The following KCNH7 variants were observed in gnomAD, a reference collection of about 807,000 sequenced individuals.
The protein encoded by KCNH7 is voltage-gated inwardly rectifying potassium channel KCNH7.
In KCNH7, 49 loss-of-function variants were observed where a neutral mutation model predicts 120.8. That is an observed-to-expected ratio of 0.41 (90% confidence interval 0.32 to 0.51). The LOEUF is 0.51. Ranked by LOEUF, KCNH7 falls within the 20% of genes least tolerant of loss-of-function variation. KCNH7 has a pLI of 0.38. For synonymous variants in KCNH7, 547 were observed against 516.1 expected, an observed-to-expected ratio of 1.06 and a Z score of -0.81; for missense variants, 1,097 against 1,446.6, an observed-to-expected ratio of 0.76 and a Z score of 3.92.
chr2:162,786,759 AAAAT>A (rs1438086262), intron 2 of KCNH7, among the ~76,000 whole-genome samples: 3 of 152,218 alleles, frequency 2.0e-5, no homozygotes, highest in Non-Finnish European at 2.9e-5. Flanking sequence ...GCATGATTTA[AAAAT>A]AAATAAATAA....
At chr2:162,375,490 G>A (rs944103314) in intron 14 of KCNH7, among the ~76,000 whole-genome samples, 4 of 152,208 alleles carry the variant, frequency 2.6e-5, no homozygotes, top group Non-Finnish European at 5.9e-5. Context: ...ACACTGCCAT[G>A]AGTGGGACTT....
At chr2:162,790,622 G>A (rs1289179142) in intron 2 of KCNH7, among the ~76,000 whole-genome samples, 2 of 151,876 alleles carry the variant, frequency 1.3e-5, no homozygotes, top group South Asian at 2.1e-4. Context: ...CACATTAAGA[G>A]GATCATTCAT....
chr2:162,513,868 A>G (rs1158072982), intron 4 of KCNH7, among the ~76,000 whole-genome samples: 1 of 151,834 alleles, frequency 6.6e-6, no homozygotes, highest in Non-Finnish European at 1.5e-5. Context: ...TTACTAGAAT[A>G]TTGAAAAATT....
chr2:162,559,938 G>A (rs971548074), intron 2 of KCNH7, among the ~76,000 whole-genome samples: 25 of 152,268 alleles, frequency 1.6e-4, no homozygotes, highest in African/African-American at 5.8e-4. Context: ...TAACAAAACG[G>A]GGTAGAACAT....
At chr2:162,540,732 TAGAC>T (rs1452244299) in intron 2 of KCNH7, among the ~76,000 whole-genome samples, 1 of 152,086 alleles carries the variant, frequency 6.6e-6, no homozygotes, top group African/African-American at 2.4e-5. Context: ...TTCACTGTGT[TAGAC>T]AGGAAGGCAC....
chr2:162,812,369 G>A (rs1684761511), intron 2 of KCNH7, among the ~76,000 whole-genome samples: 1 of 152,110 alleles, frequency 6.6e-6, no homozygotes, highest in Non-Finnish European at 1.5e-5. Context: ...CAACCAGGAG[G>A]CTAGTGCAGT....
At chr2:162,433,409 T>G (rs1482797236) in intron 8 of KCNH7, among the ~76,000 whole-genome samples, 1 of 152,044 alleles carries the variant, frequency 6.6e-6, no homozygotes, top group Non-Finnish European at 1.5e-5. Context: ...CAAAACAGCA[T>G]GGTACTGGTA....
intron 2 of KCNH7, among the ~76,000 whole-genome samples, chr2:162,718,192 T>G (rs1021563819): frequency 3.4e-5 from 5 of 145,020 alleles, no homozygotes; most frequent in African/African-American, 4.9e-5. Context: ...TGTGACATGA[T>G]TTTTTTTAAC....
intron 2 of KCNH7, among the ~76,000 whole-genome samples, chr2:162,831,654 C>T (rs1006086802): frequency 1.3e-5 from 2 of 152,160 alleles, no homozygotes; most frequent in Non-Finnish European, 2.9e-5. Flanking sequence ...TTATACCAAA[C>T]AACAACAGCA....
At chr2:162,736,478 T>A (rs1425626333) in intron 2 of KCNH7, among the ~76,000 whole-genome samples, 1 of 152,134 alleles carries the variant, frequency 6.6e-6, no homozygotes. Flanking sequence ...AAGAAATGAC[T>A]GAAGGTGATT....
rs145717091 is a variant in KCNH7 at position 162,526,491 on chromosome 2, C to G, written c.464-8333G>C. On this transcript the variant is annotated intron_variant, in intron 3 of 15. Transcript: ENST00000332142. ...TTCGACCATAAAAGACGCCGCCCCC[C>G]CGAAGCAGCCATTTCAGAGGCCTAC... Among the ~76,000 whole-genome samples, 121 of 151,802 alleles carry G rather than the reference C, an allele frequency of 8.0e-4. 1 individual carries two copies. The highest frequency in any genetic ancestry group is 2.7e-3 in the South Asian group (13 of 4,804).
chr2:162,422,602 T>A (rs1687743090), intron 9 of KCNH7, among the ~76,000 whole-genome samples: 1 of 152,122 alleles, frequency 6.6e-6, no homozygotes, highest in African/African-American at 2.4e-5. Context: ...ATTCTCCTAA[T>A]AATAAAAAGA....
intron 2 of KCNH7, among the ~76,000 whole-genome samples, chr2:162,568,832 T>A (rs1479659533): frequency 6.6e-6 from 1 of 152,042 alleles, no homozygotes; most frequent in African/African-American, 2.4e-5. Flanking sequence ...ATGTATGACA[T>A]AAATAATTTT....
chr2:162,614,605 T>C (rs1170663655), intron 2 of KCNH7, among the ~76,000 whole-genome samples: 1 of 151,326 alleles, frequency 6.6e-6, no homozygotes, highest in Non-Finnish European at 1.5e-5. Context: ...AAAAACATAA[T>C]AGGATAGAAA....
At chr2:162,537,394 C>G (rs547306181) in intron 2 of KCNH7, among the ~76,000 whole-genome samples, 1 of 152,022 alleles carries the variant, frequency 6.6e-6, no homozygotes, top group Non-Finnish European at 1.5e-5. Flanking sequence ...CTTTAACTTT[C>G]TAGAAATAAT....
chr2:162,380,988 A>G lies in KCNH7; in HGVS notation c.2963-967T>C, dbSNP rs954765217. The stretch of plus-strand genomic sequence containing the variant: ...TGTCCTTTCCCCCTCATTTTTGTCT[A>G]TATTTTAGATGTTTTTGCTGCTCTC... On this transcript the variant is annotated intron_variant, in intron 13 of 15. Transcript: ENST00000332142. Among the ~76,000 whole-genome samples, 7 of 152,180 alleles carry G rather than the reference A, an allele frequency of 4.6e-5. No homozygotes were observed. The East Asian group carries it at 9.7e-4, about 21-fold the overall frequency.
chr2:162,399,811 A>G (rs1159848413), intron 10 of KCNH7, among the ~76,000 whole-genome samples: 5 of 151,898 alleles, frequency 3.3e-5, no homozygotes, highest in Admixed American at 6.6e-5. Flanking sequence ...GGCACATGCT[A>G]GCAAGTATTT....
chr2:162,410,263 A>G (rs1687345879), intron 9 of KCNH7, among the ~76,000 whole-genome samples: 1 of 152,102 alleles, frequency 6.6e-6, no homozygotes, highest in South Asian at 2.1e-4. Context: ...GAGAAACCAG[A>G]AATAAAGCCA....
intron 6 of KCNH7, among the ~76,000 whole-genome samples, chr2:162,452,978 C>T (rs1195510431): frequency 6.6e-6 from 1 of 152,000 alleles, no homozygotes; most frequent in Admixed American, 6.6e-5. Flanking sequence ...TTCCAGGATA[C>T]ATGTATAGAA....
Sources: gnomAD v4.1 joint callset for allele counts (sites outside exome capture counted in the v4.1 genomes callset) on GRCh38, gnomAD v4.1.1 for gene constraint, MANE v1.5 for transcripts, NCBI Gene and HGNC (gene_info 2026-07-23, HGNC 2026-07-21) for gene names.